The following POC1B variants were observed in gnomAD, a reference collection of about 807,000 sequenced individuals.
POC1B encodes the protein POC1 centriolar protein B, also known as POC1 centriolar protein homolog B.
A neutral mutation model predicts 60.6 loss-of-function variants in POC1B; 44 were observed. The ratio of observed to expected loss-of-function variants is 0.73; its 90% CI spans 0.57 to 0.93. The LOEUF (loss-of-function observed/expected upper bound fraction) is 0.93, where lower values mean the gene tolerates loss of function less well. Among genes scored for constraint, POC1B ranks in the 40% least tolerant of loss-of-function variants. POC1B has a pLI of 0.00. For missense variants in POC1B, 555 were observed against 572.3 expected, an observed-to-expected ratio of 0.97 and a Z score of 0.31; for synonymous variants, 180 against 198.9, an observed-to-expected ratio of 0.90 and a Z score of 0.80.
intron 2 of POC1B, chr12:89,502,534 T>C: frequency 9.0e-7 from 1 of 1,110,402 alleles, no homozygotes; most frequent in Admixed American, 2.0e-5. Context: ...AAAGAAAGAC[T>C]AGCTTAATGG....
rs570857483 is a variant in POC1B, at chr12:89,478,147, T to C, written c.453-5872A>G. On this transcript the variant is annotated intron_variant, in intron 4 of 11. Transcript: ENST00000313546. ...CATTTATTGATAGACTCTTGCTCTGTAGCCCAGGCTGGAGTGCAATGGCGG... is the reference window on the plus strand; with the variant it reads ...CATTTATTGATAGACTCTTGCTCTGCAGCCCAGGCTGGAGTGCAATGGCGG... 2.0e-5 allele frequency among the ~76,000 whole-genome samples: 3 copies of C among 152,254 alleles called. No homozygotes were observed. The East Asian group carries it at 5.8e-4, about 29-fold the overall frequency.
intron 2 of POC1B, among the ~76,000 whole-genome samples, chr12:89,507,318 C>T (rs1200976929): frequency 7.3e-5 from 11 of 150,708 alleles, no homozygotes; most frequent in Admixed American, 7.3e-4. Context: ...TTGAATTTCC[C>T]TCTTTACTTC....
downstream of POC1B, chr12:89,419,634 C>G (rs1273618016): frequency 6.6e-6 from 1 of 152,188 alleles, no homozygotes; most frequent in African/African-American, 2.4e-5. Context: ...AGAAGATTCG[C>G]ACACACATTA....
At chr12:89,498,841 A>G (rs950708377) in intron 2 of POC1B, among the ~76,000 whole-genome samples, 9 of 152,188 alleles carry the variant, frequency 5.9e-5, no homozygotes, top group Admixed American at 2.0e-4. Flanking sequence ...ACAAAAGCAA[A>G]TAAGATACAA....
At chr12:89,466,736 C>T (rs1882696601) in intron 9 of POC1B, 34 bp downstream of exon 9, 3 of 1,564,164 alleles carry the variant, frequency 1.9e-6, no homozygotes, top group South Asian at 1.2e-5. Context: ...AAAATGTACA[C>T]AAAATGTAGG....
intron 2 of POC1B, chr12:89,521,853 GGA>G: frequency 2.5e-6 from 1 of 397,660 alleles, no homozygotes; most frequent in East Asian, 3.6e-5. Context: ...AGAACTCGTA[GGA>G]GAGTTCCACA....
intron 3 of POC1B, 179 bp downstream of exon 3, chr12:89,496,992 A>C (rs1869281744): frequency 1.5e-6 from 1 of 652,516 alleles, no homozygotes; most frequent in Admixed American, 2.8e-5. Context: ...TTCAAAAAGA[A>C]GACATAATTT....
chr12:89,457,869 C>A (rs547537350), intron 10 of POC1B, among the ~76,000 whole-genome samples: 2 of 152,110 alleles, frequency 1.3e-5, no homozygotes, highest in Non-Finnish European at 2.9e-5. Flanking sequence ...CCCACATACC[C>A]CATATATTCC....
rs56654469 is a variant in POC1B, at chr12:89,510,763, C to CT, written c.101-13422dup. ...CTGGAGGAAGAAATATGTTTTTATT[C>CT]TTTTTTTTTTTTGATATGGAGTCTC... is the stretch of plus-strand genomic sequence containing the variant. On this transcript the variant is annotated intron_variant, in intron 2 of 11. Transcript: ENST00000313546. Among the ~76,000 whole-genome samples, 188 of 139,070 alleles carry CT rather than the reference C, an allele frequency of 1.4e-3. 3 individuals are homozygous for CT. Among genetic ancestry groups the CT allele is most frequent in the African/African-American group, 4.1e-3 (151 of 37,244 alleles). The allele number at this position is 139,070 out of a possible 152,430, so 91.2% of individuals were successfully genotyped here. A position where few individuals can be genotyped will look rare whatever the true frequency, so the allele number is the denominator to read the frequency against.
At chr12:89,422,953 G>A (rs1353217299) in intron 11 of POC1B, among the ~76,000 whole-genome samples, 1 of 152,126 alleles carries the variant, frequency 6.6e-6, no homozygotes, top group East Asian at 1.9e-4. Context: ...TAATGGTGAT[G>A]CTGTTAATAC....
rs1207360314 is a variant in POC1B, at chr12:89,472,211, T to C, written c.517A>G (p.Thr173Ala). 1.9e-6 allele frequency: 3 copies of C among 1,607,652 alleles called. No individual in the cohort carries two copies. The highest frequency in any genetic ancestry group is 2.6e-6 in the Non-Finnish European group (3 of 1,174,658). ...TTATTAACACATTGCTTATTTGTGG[T>C]ATCCCAAATTTTAATAGTTTTATCC... is the stretch of plus-strand genomic sequence containing the variant. ...SEDKTIKIWD[T>A]TNKQCVNNFS... Residue 173 changes from threonine (T) to alanine (A), a missense_variant, in exon 5 of 12, where the codon ACC becomes GCC. Physicochemically the swap from Thr to Ala is moderately conservative, Grantham distance 58. Transcript: ENST00000313546.
chr12:89,426,225 G>C (rs1880757646), intron 10 of POC1B: 1 of 152,310 alleles, frequency 6.6e-6, no homozygotes, highest in African/African-American at 2.4e-5. Flanking sequence ...GGTTACCAGG[G>C]GCTGGAGGTA....
chr12:89,524,464 A>G (rs1413280437), intron 2 of POC1B: 1 of 1,613,556 alleles, frequency 6.2e-7, no homozygotes, highest in Non-Finnish European at 8.5e-7. Context: ...AAAAGTAGAG[A>G]CCAAGAGCTC....
At chr12:89,468,676 TA>T (rs398116724) in intron 7 of POC1B, among the ~76,000 whole-genome samples, 160 of 35,620 alleles carry the variant, frequency 4.5e-3, no homozygotes, top group African/African-American at 0.024. Context: ...TTTTATTTGT[TA>T]TGTTTATTCA....
intron 2 of POC1B, among the ~76,000 whole-genome samples, chr12:89,509,469 G>A (rs749165798): frequency 6.6e-6 from 1 of 151,976 alleles, no homozygotes; most frequent in Non-Finnish European, 1.5e-5. Flanking sequence ...TCTTTTAATG[G>A]ATAATGGTAT....
intron 3 of POC1B, among the ~76,000 whole-genome samples, chr12:89,495,554 A>C (rs1013161464): frequency 1.3e-5 from 2 of 152,168 alleles, no homozygotes; most frequent in African/African-American, 4.8e-5. Flanking sequence ...ATAGTCACAG[A>C]CTACAAGTCA....
chr12:89,424,278 C>G (rs1460174198), intron 11 of POC1B, among the ~76,000 whole-genome samples: 1 of 152,154 alleles, frequency 6.6e-6, no homozygotes, highest in African/African-American at 2.4e-5. Flanking sequence ...AGGGGCTTAT[C>G]CCAGACCAAT....
At chr12:89,435,916 G>A (rs1354830823) in intron 10 of POC1B, among the ~76,000 whole-genome samples, 1 of 151,322 alleles carries the variant, frequency 6.6e-6, no homozygotes, top group African/African-American at 2.4e-5. Context: ...CATACACACA[G>A]ATGAGTAAGC....
intron 10 of POC1B, among the ~76,000 whole-genome samples, chr12:89,430,551 A>G (rs1185431240): frequency 6.6e-6 from 1 of 152,198 alleles, no homozygotes; most frequent in Non-Finnish European, 1.5e-5. Flanking sequence ...TTCATACATT[A>G]TATCTACTCC....
Sources: gnomAD v4.1 joint callset for allele counts (sites outside exome capture counted in the v4.1 genomes callset) on GRCh38, gnomAD v4.1.1 for gene constraint, MANE v1.5 for transcripts, NCBI Gene and HGNC (gene_info 2026-07-23, HGNC 2026-07-21) for gene names.